The following C1orf115 variants were observed in gnomAD, a reference collection of about 807,000 sequenced individuals.
C1orf115 encodes the protein chromosome 1 open reading frame 115.
In C1orf115, 14 loss-of-function variants were observed where a neutral mutation model predicts 12.5. The ratio of observed to expected loss-of-function variants is 1.12; its 90% CI spans 0.74 to 1.75. C1orf115 has a LOEUF of 1.75. C1orf115 is among the 40% of genes most tolerant of loss of function. C1orf115 has a pLI of 0.00. For synonymous variants in C1orf115, 109 were observed against 104.6 expected, an observed-to-expected ratio of 1.04 and a Z score of -0.26; for missense variants, 237 against 220.8, an observed-to-expected ratio of 1.07 and a Z score of -0.46.
rs764919696 is a variant in C1orf115 at position 220,696,707 on chromosome 1, C to T, written c.405C>T (p.Thr135=). The part of the protein sequence containing the change: ...AAYSAPFAVA[T]SVVSFVR ...ACTCCGCCCCGTTTGCGGTAGCCAC[C>T]AGCGTGGTATCCTTCGTGCGCTAAT... is the stretch of plus-strand genomic sequence containing the variant. The change falls in exon 2 of 2, where the codon ACC becomes ACT. Residue 135 remains threonine, a synonymous_variant. Coordinates refer to ENST00000294889, the MANE Select transcript of C1orf115 (RefSeq NM_024709.5). The T allele has an allele frequency of 6.3e-7, 1 of 1,598,230 alleles. No individual in the cohort carries two copies. Among genetic ancestry groups the T allele is most frequent in the South Asian group, 1.1e-5 (1 of 90,482 alleles).
At position 220,690,618 on chromosome 1, in the gene C1orf115, C is replaced by T. The variant is rs767903191; in HGVS notation, c.216C>T (p.Ala72=). 6.5e-7 allele frequency: 1 copy of T among 1,546,952 alleles called. No homozygotes were observed. Among genetic ancestry groups the T allele is most frequent in the African/African-American group, 1.4e-5 (1 of 70,114 alleles). The change falls in exon 1 of 2, where the codon GCC becomes GCT. Residue 72 remains alanine (A), a synonymous_variant. Transcript: ENST00000294889. ...GGGGCGCGCGGAGGGTGCACTTCGCCCTCCTGCCCGAGCGCTACGAGCCAC... is the reference window on the plus strand; with the variant it reads ...GGGGCGCGCGGAGGGTGCACTTCGCTCTCCTGCCCGAGCGCTACGAGCCAC... ...GTRGARRVHF[A]LLPERYEPLE... is the part of the protein sequence containing the mutation.
intron 1 of C1orf115, among the ~76,000 whole-genome samples, chr1:220,692,403 A>G (rs427216): frequency 0.31 from 47,312 of 152,118 alleles, 8,840 homozygotes; most frequent in East Asian, 0.79. Flanking sequence ...ATGTCCCTAA[A>G]TGGATGAATG....
Position 220,690,633 on chromosome 1 carries a change from C to T in C1orf115, c.231C>T (p.Arg77=). The T allele has an allele frequency of 6.4e-7, 1 of 1,568,846 alleles. No individual in the cohort carries two copies. The highest frequency in any genetic ancestry group is 8.6e-7 in the Non-Finnish European group (1 of 1,160,186). Residue 77 remains arginine (R), a synonymous_variant, in exon 1 of 2, where the codon CGC becomes CGT. Transcript: ENST00000294889. Reference sequence around the variant, plus strand: ...TGCACTTCGCCCTCCTGCCCGAGCGCTACGAGCCACTGGAGGAGCCGGCGC... The same window carrying T: ...TGCACTTCGCCCTCCTGCCCGAGCGTTACGAGCCACTGGAGGAGCCGGCGC... ...RRVHFALLPE[R]YEPLEEPAPS...
chr1:220,696,614 T>C lies in C1orf115; in HGVS notation c.312T>C (p.Asn104=). 1 of 1,581,536 alleles carries C rather than the reference T, an allele frequency of 6.3e-7. No homozygotes were observed. Among genetic ancestry groups the C allele is most frequent in the African/African-American group, 1.3e-5 (1 of 74,570 alleles). ...TTCTCTTTTATTCCTAACACTAGAA[T>C]GTCGGGAAGGTCATCATCAAAGGAT... ...YRRKLKKYGK[N]VGKVIIKGCR... is the part of the protein sequence containing the mutation. The change falls in exon 2 of 2, where the codon AAT becomes AAC. Residue 104 remains asparagine, a splice_region_variant and synonymous_variant. Coordinates refer to ENST00000294889, the MANE Select transcript of C1orf115 (RefSeq NM_024709.5).
At chr1:220,695,210 G>A (rs542626928) in intron 1 of C1orf115, among the ~76,000 whole-genome samples, 2 of 152,218 alleles carry the variant, frequency 1.3e-5, no homozygotes, top group African/African-American at 2.4e-5. Flanking sequence ...GGCTTGGCAC[G>A]ATGGAGGGCA....
At chr1:220,694,734 G>A (rs1442413377) in intron 1 of C1orf115, among the ~76,000 whole-genome samples, 1 of 152,184 alleles carries the variant, frequency 6.6e-6, no homozygotes, top group Non-Finnish European at 1.5e-5. Flanking sequence ...TTCAAAAAGT[G>A]GAGATCTCAA....
At chr1:220,692,284 C>T (rs1446820873) in intron 1 of C1orf115, among the ~76,000 whole-genome samples, 1 of 152,166 alleles carries the variant, frequency 6.6e-6, no homozygotes, top group Non-Finnish European at 1.5e-5. Flanking sequence ...AGCAGTTCCA[C>T]TCCTAGGGAT....
At position 220,697,621 on chromosome 1, in the gene C1orf115, C is replaced by T. The variant is rs1269702499; in HGVS notation, c.*890C>T. On this transcript the variant is annotated 3_prime_UTR_variant, in exon 2 of 2. Coordinates refer to ENST00000294889, the MANE Select transcript of C1orf115 (RefSeq NM_024709.5). The surrounding 1 kb of genome is among the most constrained non-coding windows in gnomAD (Gnocchi z 4.5). ...CGCACTCCCGCCATTGGCTCAGCTC[C>T]TCTCTGCCAGTCCAACTAAGAGTGC... 1 of 152,428 alleles carries T rather than the reference C, an allele frequency of 6.6e-6. No individual in the cohort carries two copies. The highest frequency in any genetic ancestry group is 1.5e-5 in the Non-Finnish European group (1 of 68,192). The allele number at this position is 152,428 out of a possible 1,614,324, so 9.4% of individuals were successfully genotyped here.
At chr1:220,691,477 C>T (rs1489203879) in intron 1 of C1orf115, among the ~76,000 whole-genome samples, 3 of 152,274 alleles carry the variant, frequency 2.0e-5, no homozygotes, top group Admixed American at 6.5e-5. Flanking sequence ...TTACTGTGTC[C>T]TGGCCAAAGG....
chr1:220,690,730 C>A lies in C1orf115; in HGVS notation c.309+19C>A. The A allele has an allele frequency of 6.4e-7, 1 of 1,565,828 alleles. No homozygotes were observed. Among genetic ancestry groups the A allele is most frequent in the Non-Finnish European group, 8.6e-7 (1 of 1,157,772 alleles). ...CGGCAAGGTAGGGGCCCTGCGCCAC[C>A]ACTGCCCGGGGGGCGCGGGTGTGGT... is the stretch of plus-strand genomic sequence containing the variant. On this transcript the variant is annotated intron_variant, in intron 1 of 1. Coordinates refer to ENST00000294889, the MANE Select transcript of C1orf115 (RefSeq NM_024709.5).
chr1:220,696,049 T>C (rs796541644), intron 1 of C1orf115, among the ~76,000 whole-genome samples: 4 of 152,258 alleles, frequency 2.6e-5, no homozygotes, highest in African/African-American at 9.6e-5. Flanking sequence ...AGCCTGACCA[T>C]CAGGGAGCTT....
intron 1 of C1orf115, among the ~76,000 whole-genome samples, chr1:220,695,835 G>A (rs1670185429): frequency 6.6e-6 from 1 of 152,184 alleles, no homozygotes; most frequent in Non-Finnish European, 1.5e-5. Context: ...CACCAAGAGT[G>A]ATGACAGAAG....
At chr1:220,692,849 G>T (rs535838661) in intron 1 of C1orf115, among the ~76,000 whole-genome samples, 70 of 152,304 alleles carry the variant, frequency 4.6e-4, no homozygotes, top group Non-Finnish European at 9.3e-4. Flanking sequence ...CAAGATTTCA[G>T]TGGATAGAGA....
rs935103311 is a variant in C1orf115, at chr1:220,698,601, G to A, written c.*1870G>A. The A allele has an allele frequency of 6.6e-6, 1 of 152,276 alleles. No individual in the cohort carries two copies. Among genetic ancestry groups the A allele is most frequent in the South Asian group, 2.1e-4 (1 of 4,830 alleles). 9.4% of individuals were successfully genotyped at this position (152,276 alleles called of 1,614,324 possible). A position where few individuals can be genotyped will look rare whatever the true frequency, so the allele number is the denominator to read the frequency against. The stretch of plus-strand genomic sequence containing the variant: ...TGAGTGGGAAAGAGAGTGAGAGCCT[G>A]TGCAGGCTGCTGACGAGCCCCAGGC... On this transcript the variant is annotated 3_prime_UTR_variant, in exon 2 of 2. Coordinates refer to ENST00000294889, the MANE Select transcript of C1orf115 (RefSeq NM_024709.5).
At position 220,696,682 on chromosome 1, in the gene C1orf115, A is replaced by G. The variant is rs1478082905; in HGVS notation, c.380A>G (p.Tyr127Cys). Reference protein sequence around the residue: ...VIGLQGFAAAYSAPFAVATSV... With the variant: ...VIGLQGFAAACSAPFAVATSV... ...GGCCTGCAAGGCTTCGCTGCAGCCT[A>G]CTCCGCCCCGTTTGCGGTAGCCACC... The change falls in exon 2 of 2, where the codon TAC (tyrosine) becomes TGC (cysteine). Residue 127 changes from tyrosine (Y) to cysteine (C), a missense_variant. Transcript: ENST00000294889. The G allele has an allele frequency of 1.2e-6, 2 of 1,602,014 alleles. No individual in the cohort carries two copies. Among genetic ancestry groups the G allele is most frequent in the Non-Finnish European group, 1.7e-6 (2 of 1,170,046 alleles).
rs1432691066 is a variant in C1orf115, at chr1:220,690,617, C to T, written c.215C>T (p.Ala72Val). Residue 72 changes from alanine to valine, a missense_variant, in exon 1 of 2, where the codon GCC (alanine) becomes GTC (valine). Transcript: ENST00000294889. Reference protein sequence around the residue: ...GTRGARRVHFALLPERYEPLE... With the variant: ...GTRGARRVHFVLLPERYEPLE... The stretch of plus-strand genomic sequence containing the variant: ...CGGGGCGCGCGGAGGGTGCACTTCG[C>T]CCTCCTGCCCGAGCGCTACGAGCCA... The T allele has an allele frequency of 6.5e-7, 1 of 1,545,460 alleles. No individual in the cohort carries two copies. Among genetic ancestry groups the T allele is most frequent in the Admixed American group, 2.0e-5 (1 of 50,906 alleles).
Position 220,690,682 on chromosome 1 carries a change from T to C in C1orf115, c.280T>C (p.Tyr94His). ...PAPSEQPRKR[Y>H]RRKLKKYGKN... ...GCCGAGCGAGCAGCCCAGGAAGAGG[T>C]ACCGGAGGAAGCTGAAGAAGTACGG... Residue 94 changes from tyrosine (Y) to histidine (H), a missense_variant, in exon 1 of 2, where the codon TAC becomes CAC. Transcript: ENST00000294889. 6.3e-7 allele frequency: 1 copy of C among 1,595,234 alleles called. No homozygotes were observed. The highest frequency in any genetic ancestry group is 8.5e-7 in the Non-Finnish European group (1 of 1,172,210).
intron 1 of C1orf115, among the ~76,000 whole-genome samples, chr1:220,695,868 A>G (rs1032434911): frequency 6.6e-6 from 1 of 152,166 alleles, no homozygotes; most frequent in Non-Finnish European, 1.5e-5. Flanking sequence ...GGGGAAGACC[A>G]TGGGCAGCCG....
intron 1 of C1orf115, among the ~76,000 whole-genome samples, chr1:220,692,563 A>G (rs1670129333): frequency 6.6e-6 from 1 of 152,226 alleles, no homozygotes; most frequent in Non-Finnish European, 1.5e-5. Flanking sequence ...TATTGTGCGT[A>G]TGATTCCATT....
Sources: allele counts gnomAD v4.1 joint callset (sites outside exome capture counted in the v4.1 genomes callset), GRCh38; gene constraint gnomAD v4.1.1; non-coding constraint Gnocchi (gnomAD v3.1); transcripts MANE v1.5; gene names NCBI Gene and HGNC (gene_info 2026-07-23, HGNC 2026-07-21).